The following EIF4G3 variants were observed in gnomAD, a reference collection of about 807,000 sequenced individuals.
The protein encoded by EIF4G3 is eukaryotic translation initiation factor 4 gamma 3, also known as eIF-4-gamma 3.
A neutral mutation model predicts 186.4 loss-of-function variants in EIF4G3; 34 were observed. That is an observed-to-expected ratio of 0.18 (90% CI 0.14 to 0.24). The LOEUF (loss-of-function observed/expected upper bound fraction) is 0.24, where lower values mean the gene tolerates loss of function less well. Ranked by LOEUF, EIF4G3 falls within the 10% of genes least tolerant of loss-of-function variation. The probability of loss-of-function intolerance (pLI) is 1.00; values close to 1 mark genes in which losing one functional copy is unlikely to be tolerated. For synonymous variants in EIF4G3, 673 were observed against 679.5 expected (o/e 0.99, Z 0.15); for missense variants, 1,536 against 1,948.5 (o/e 0.79, Z 3.99).
chr1:20,885,221 G>T (rs1016117967), intron 19 of EIF4G3, among the ~76,000 whole-genome samples: 2 of 152,168 alleles, frequency 1.3e-5, no homozygotes, highest in Admixed American at 6.5e-5. Flanking sequence ...TTATGTGATG[G>T]TACTGAATCA....
Position 20,997,645 on chromosome 1 carries a change from A to G in EIF4G3, c.145-12T>C. The G allele has an allele frequency of 6.5e-7, 1 of 1,539,200 alleles. No homozygotes were observed. The highest frequency in any genetic ancestry group is 8.8e-7 in the Non-Finnish European group (1 of 1,142,238). The stretch of plus-strand genomic sequence containing the variant: ...GGCCCCGCTGCAAACTGAGAAAAGG[A>G]GGGAAAACAAACACAAAAGGAAAGG... On this transcript the variant is annotated splice_polypyrimidine_tract_variant and intron_variant, in intron 6 of 36. Coordinates refer to ENST00000602326, the MANE Select transcript of EIF4G3 (RefSeq NM_001391906.1).
At chr1:20,892,621 C>T (rs1415428100) in intron 18 of EIF4G3, 2 of 1,531,278 alleles carry the variant, frequency 1.3e-6, no homozygotes, top group South Asian at 2.4e-5. Flanking sequence ...CAGCGCACCC[C>T]TAGAGGCAGG....
chr1:20,859,732 TG>T (rs775382619), intron 24 of EIF4G3, among the ~76,000 whole-genome samples: 1 of 152,210 alleles, frequency 6.6e-6, no homozygotes, highest in Non-Finnish European at 1.5e-5. Flanking sequence ...CCTGAATAGC[TG>T]GGACTACAGG....
At chr1:21,060,802 A>G (rs947377201) in intron 3 of EIF4G3, among the ~76,000 whole-genome samples, 1 of 146,080 alleles carries the variant, frequency 6.8e-6, no homozygotes. Flanking sequence ...AAAAAAAAAA[A>G]AACAAAGCTA....
intron 4 of EIF4G3, among the ~76,000 whole-genome samples, chr1:21,029,013 G>A (rs532769953): frequency 6.6e-6 from 1 of 152,246 alleles, no homozygotes; most frequent in South Asian, 2.1e-4. Context: ...TTCCCAAAGT[G>A]CTGGAATTAC....
At chr1:20,813,454 A>C (rs1195429081) in intron 34 of EIF4G3, among the ~76,000 whole-genome samples, 1 of 149,022 alleles carries the variant, frequency 6.7e-6, no homozygotes, top group Non-Finnish European at 1.5e-5. Context: ...CTGTGTTCCC[A>C]GCTACCTGGG....
chr1:20,999,638 CAA>C, intron 6 of EIF4G3: 1 of 397,576 alleles, frequency 2.5e-6, no homozygotes, highest in Non-Finnish European at 4.8e-6. Context: ...TATATAAAAA[CAA>C]AAGCGAAAAA....
chr1:20,861,716 G>A (rs1477822989), intron 23 of EIF4G3, among the ~76,000 whole-genome samples: 1 of 152,212 alleles, frequency 6.6e-6, no homozygotes, highest in Non-Finnish European at 1.5e-5. Flanking sequence ...GCTCACGCCT[G>A]TAATCCCAGC....
chr1:21,114,360 T>C (rs1313447751), intron 2 of EIF4G3, among the ~76,000 whole-genome samples: 1 of 152,150 alleles, frequency 6.6e-6, no homozygotes, highest in Non-Finnish European at 1.5e-5. Flanking sequence ...TTGGCCAGGA[T>C]GTTCTCGATC....
In EIF4G3 at chr1:20,860,557, G is replaced by T. The variant is rs111651634; in HGVS notation, c.3112-40C>A. 1.6e-4 allele frequency: 255 copies of T among 1,580,744 alleles called. 1 individual carries two copies. The African/African-American group carries it at 3.0e-3, about 19-fold the overall frequency. ...AATAAGGTTATCTGCCAGATAAACTGAACATTTTTTAAAATTTAAAAATTA... is the reference window on the plus strand; with the variant it reads ...AATAAGGTTATCTGCCAGATAAACTTAACATTTTTTAAAATTTAAAAATTA... On this transcript the variant is annotated intron_variant, in intron 23 of 36. Coordinates refer to ENST00000602326, the MANE Select transcript of EIF4G3 (RefSeq NM_001391906.1).
intron 4 of EIF4G3, among the ~76,000 whole-genome samples, chr1:21,017,488 C>T (rs999291266): frequency 6.6e-6 from 1 of 151,868 alleles, no homozygotes; most frequent in African/African-American, 2.4e-5. Context: ...ATTAGCTGGG[C>T]GTGGTGGCGG....
chr1:20,952,851 G>A (rs976035673), intron 12 of EIF4G3, among the ~76,000 whole-genome samples: 5 of 135,850 alleles, frequency 3.7e-5, no homozygotes, highest in Admixed American at 7.5e-5. Flanking sequence ...GCTCCGTCTC[G>A]AAAACAAGCA....
intron 4 of EIF4G3, among the ~76,000 whole-genome samples, chr1:21,029,103 C>T (rs1241823712): frequency 6.6e-6 from 1 of 152,062 alleles, no homozygotes; most frequent in Non-Finnish European, 1.5e-5. Context: ...CTGCAACCTC[C>T]ACCCCCTAGG....
chr1:20,825,032 T>A, intron 33 of EIF4G3, 68 bp downstream of exon 33: 1 of 1,012,752 alleles, frequency 9.9e-7, no homozygotes. Flanking sequence ...ACGAAGGAAA[T>A]TACCTTCACT....
At chr1:20,948,565 CTTTG>C (rs71739521) in intron 13 of EIF4G3, among the ~76,000 whole-genome samples, 3,373 of 152,136 alleles carry the variant, frequency 0.022, 111 homozygotes, top group African/African-American at 0.075. Context: ...ATATCATAAT[CTTTG>C]TTTGATGTAA....
intron 7 of EIF4G3, among the ~76,000 whole-genome samples, chr1:20,995,573 T>A (rs1205655700): frequency 6.6e-6 from 1 of 152,094 alleles, no homozygotes; most frequent in East Asian, 1.9e-4. Flanking sequence ...AATTTCACCA[T>A]GTTGGCCAGG....
At position 20,893,655 on chromosome 1, in the gene EIF4G3, G is replaced by T. The variant is rs746513542; in HGVS notation, c.2134-19C>A. The T allele has an allele frequency of 4.6e-6, 7 of 1,533,548 alleles. No individual in the cohort carries two copies. The highest frequency in any genetic ancestry group is 6.2e-6 in the Non-Finnish European group (7 of 1,127,060). The allele number at this position is 1,533,548 out of a possible 1,614,324, so 95.0% of individuals were successfully genotyped here. On this transcript the variant is annotated intron_variant, in intron 17 of 36. Coordinates refer to ENST00000602326, the MANE Select transcript of EIF4G3 (RefSeq NM_001391906.1). ...GGTTGATCTGCATGAAAAAGCAAAAGAAAGCTTAATACATGTTCCAGAGCA... is the reference window on the plus strand; with the variant it reads ...GGTTGATCTGCATGAAAAAGCAAAATAAAGCTTAATACATGTTCCAGAGCA...
intron 29 of EIF4G3, 31 bp downstream of exon 29, chr1:20,849,382 CTG>C (rs760758938): frequency 3.6e-5 from 44 of 1,209,298 alleles, no homozygotes; most frequent in African/African-American, 6.2e-5. Context: ...AAAGGACTTA[CTG>C]TGTGTGTGTT....
intron 22 of EIF4G3, 152 bp downstream of exon 22, chr1:20,864,324 G>A (rs149859162): frequency 7.9e-5 from 53 of 671,234 alleles, no homozygotes; most frequent in East Asian, 6.0e-4. Context: ...TAAGGAGCAC[G>A]ATGGTTGAAC....
Sources: allele counts gnomAD v4.1 joint callset (sites outside exome capture counted in the v4.1 genomes callset), GRCh38; gene constraint gnomAD v4.1.1; transcripts MANE v1.5; gene names NCBI Gene and HGNC (gene_info 2026-07-23, HGNC 2026-07-21).